Variants in CIITA observed in about 807,000 individuals in gnomAD.
The protein encoded by CIITA is MHC class II transactivator.
CIITA carries 72 observed loss-of-function variants against 115.1 expected under a neutral mutation model. The ratio of observed to expected loss-of-function variants is 0.63; its 90% CI spans 0.52 to 0.76. The LOEUF is 0.76. Among genes scored for constraint, CIITA ranks in the 30% least tolerant of loss-of-function variants. The pLI, the probability that CIITA is intolerant of heterozygous loss-of-function variation, is 0.00. For synonymous variants in CIITA, 763 were observed against 635.6 expected (o/e 1.20, Z -3.02); for missense variants, 1,617 against 1,463.8 (o/e 1.10, Z -1.71).
At chr16:10,871,034 A>G (rs909896937) in intron 1 of CIITA, among the ~76,000 whole-genome samples, 19 of 152,368 alleles carry the variant, frequency 1.2e-4, no homozygotes, top group African/African-American at 4.6e-4. Context: ...CTCGAGTTGA[A>G]CTGGCACATG....
rs1461714545 is a variant in CIITA at position 10,936,050 on chromosome 16, G to C, written c.*12195G>C. ...CAGTCACCCAGGCTGGAGTGCAGTG[G>C]TGGAATAATAACTCACTGCAGCCTT... On this transcript the variant is annotated 3_prime_UTR_variant, in exon 20 of 20. Transcript: ENST00000324288. 6.6e-6 allele frequency: 1 copy of C among 151,908 alleles called. No homozygotes were observed. Among genetic ancestry groups the C allele is most frequent in the African/African-American group, 2.4e-5 (1 of 41,306 alleles). 9.4% of individuals were successfully genotyped at this position (151,908 alleles called of 1,614,324 possible). A position where few individuals can be genotyped will look rare whatever the true frequency, so the allele number is the denominator to read the frequency against.
chr16:10,902,409 G>A (rs2038844051), intron 7 of CIITA, among the ~76,000 whole-genome samples: 1 of 152,112 alleles, frequency 6.6e-6, no homozygotes, highest in African/African-American at 2.4e-5. Context: ...GCATCAGGAG[G>A]GAATCTCCAC....
At chr16:10,871,188 G>A (rs1311537042) in intron 1 of CIITA, among the ~76,000 whole-genome samples, 1 of 152,206 alleles carries the variant, frequency 6.6e-6, no homozygotes, top group Non-Finnish European at 1.5e-5. Context: ...ACTGATCTAA[G>A]GGCTCAGGGA....
chr16:10,903,789 C>T lies in CIITA; in HGVS notation c.831C>T (p.Leu277=), dbSNP rs2038947521. Residue 277 remains leucine (L), a synonymous_variant, in exon 9 of 20, where the codon CTC becomes CTT. Coordinates refer to ENST00000324288, the MANE Select transcript of CIITA (RefSeq NM_000246.4). ...PPPSGFTVHG[L]PTSPDRPGST... is the part of the protein sequence containing the mutation. Reference sequence around the variant, plus strand: ...CCAGTGGATTCACTGTCCACGGCCTCCCAACATCTCCAGACCGGCCAGGCT... The same window carrying T: ...CCAGTGGATTCACTGTCCACGGCCTTCCAACATCTCCAGACCGGCCAGGCT... 2 of 1,614,106 alleles carry T rather than the reference C, an allele frequency of 1.2e-6. No individual in the cohort carries two copies. The highest frequency in any genetic ancestry group is 1.7e-6 in the Non-Finnish European group (2 of 1,180,052).
intron 13 of CIITA, 89 bp from the exon 14 acceptor site, chr16:10,915,481 C>A: frequency 9.6e-7 from 1 of 1,039,800 alleles, no homozygotes; most frequent in Non-Finnish European, 1.5e-6. Flanking sequence ...CAGGACCTGA[C>A]TTCTGTGCCT....
At chr16:10,904,003 G>A (rs182669754) in intron 9 of CIITA, 108 bp downstream of exon 9, 15 of 1,480,756 alleles carry the variant, frequency 1.0e-5, no homozygotes, top group African/African-American at 1.4e-5. Flanking sequence ...AGGGACAACA[G>A]GTCATGTTTA....
chr16:10,894,396 A>C (rs555169823), intron 1 of CIITA, among the ~76,000 whole-genome samples: 1 of 152,010 alleles, frequency 6.6e-6, no homozygotes, highest in Non-Finnish European at 1.5e-5. Flanking sequence ...TATTTTGGCT[A>C]TTTTGAATTA....
At position 10,936,371 on chromosome 16, in the gene CIITA, A is replaced by C. The variant is rs1013055870; in HGVS notation, c.*12516A>C. 2.6e-5 allele frequency: 4 copies of C among 152,294 alleles called. No homozygotes were observed. The highest frequency in any genetic ancestry group is 9.6e-5 in the African/African-American group (4 of 41,558). The allele number at this position is 152,294 out of a possible 1,614,324, so 9.4% of individuals were successfully genotyped here. A position where few individuals can be genotyped will look rare whatever the true frequency, so the allele number is the denominator to read the frequency against. On this transcript the variant is annotated 3_prime_UTR_variant, in exon 20 of 20. Coordinates refer to ENST00000324288, the MANE Select transcript of CIITA (RefSeq NM_000246.4). The stretch of plus-strand genomic sequence containing the variant: ...AATTTGTCCTTGTTCTAAGGAAATA[A>C]ATACTGAATTATTTAGGAGTAAAGG...
intron 1 of CIITA, among the ~76,000 whole-genome samples, chr16:10,882,705 C>T (rs1268661484): frequency 1.3e-5 from 2 of 152,158 alleles, no homozygotes; most frequent in African/African-American, 4.8e-5. Context: ...CGAGACCAGC[C>T]TGGGCAACAT....
intron 1 of CIITA, among the ~76,000 whole-genome samples, chr16:10,893,971 A>G (rs993892492): frequency 2.6e-5 from 4 of 151,874 alleles, no homozygotes; most frequent in Non-Finnish European, 5.9e-5. Context: ...TTTCCTTCCA[A>G]AATCCCTCTC....
Position 10,901,436 on chromosome 16 carries a change from A to G in CIITA, c.437-78A>G. The G allele has an allele frequency of 2.7e-6, 4 of 1,501,146 alleles. No homozygotes were observed. The highest frequency in any genetic ancestry group is 3.7e-6 in the Non-Finnish European group (4 of 1,079,066). 93.0% of individuals were successfully genotyped at this position (1,501,146 alleles called of 1,614,324 possible). A position where few individuals can be genotyped will look rare whatever the true frequency, so the allele number is the denominator to read the frequency against. On this transcript the variant is annotated intron_variant, in intron 5 of 19. Coordinates refer to ENST00000324288, the MANE Select transcript of CIITA (RefSeq NM_000246.4). This position sits in a 1 kb window ranked among gnomAD's most constrained non-coding sequence, Gnocchi z 6.8. The stretch of plus-strand genomic sequence containing the variant: ...CCCAGCCTTGAAGTTAAGGCCGTAT[A>G]GCCTGCTAGAGTCCTGAGCCCCTTC...
At chr16:10,881,782 T>G (rs1365260516) in intron 1 of CIITA, among the ~76,000 whole-genome samples, 3 of 152,206 alleles carry the variant, frequency 2.0e-5, no homozygotes, top group African/African-American at 7.2e-5. Flanking sequence ...TCTCCAGAAC[T>G]TTTTCATCCT....
In CIITA at chr16:10,906,998, G is replaced by C; in HGVS notation, c.1506G>C (p.Glu502Asp). The C allele has an allele frequency of 6.2e-7, 1 of 1,610,284 alleles. No homozygotes were observed. The highest frequency in any genetic ancestry group is 8.5e-7 in the Non-Finnish European group (1 of 1,179,898). Residue 502 changes from glutamate to aspartate, a missense_variant, in exon 11 of 20, where the codon GAG becomes GAC. Physicochemically the swap from Glu to Asp is conservative, Grantham distance 45 (BLOSUM62 2). Transcript: ENST00000324288. ...TTCTGCTCATCCTAGACGGCTTCGA[G>C]GAGCTGGAAGCGCAAGATGGCTTCC... ...DRVLLILDGF[E>D]ELEAQDGFLH... is the part of the protein sequence containing the mutation.
chr16:10,887,789 C>T (rs1479343589), intron 1 of CIITA, among the ~76,000 whole-genome samples: 1 of 152,200 alleles, frequency 6.6e-6, no homozygotes, highest in African/African-American at 2.4e-5. Flanking sequence ...GCCACCACCC[C>T]TGGCCTCCTT....
chr16:10,916,400 C>T lies in CIITA; in HGVS notation c.3003C>T (p.Asp1001=), dbSNP rs143497260. The part of the protein sequence containing the change: ...LDALSENKIG[D]EGVSQLSATF... ...CGCTGAGTGAGAACAAGATCGGGGA[C>T]GAGGGTGTCTCGCAGCTCTCAGCCA... Residue 1001 remains aspartate (D), a synonymous_variant, in exon 15 of 20, where the codon GAC becomes GAT. Transcript: ENST00000324288. The T allele has an allele frequency of 1.4e-4, 223 of 1,613,852 alleles. 2 individuals carry two copies. The highest frequency in any genetic ancestry group is 1.7e-4 in the African/African-American group (13 of 75,024).
At chr16:10,892,581 C>T (rs910430368) in intron 1 of CIITA, among the ~76,000 whole-genome samples, 2 of 152,150 alleles carry the variant, frequency 1.3e-5, no homozygotes, top group African/African-American at 2.4e-5. Flanking sequence ...ATGTCCATGT[C>T]AAATCCCTGG....
At chr16:10,908,530 C>T (rs964351184) in intron 11 of CIITA, 32 of 421,438 alleles carry the variant, frequency 7.6e-5, no homozygotes, top group Non-Finnish European at 1.2e-4. Flanking sequence ...CCTCCATTCT[C>T]TCCTCTTCCA....
chr16:10,910,595 T>C (rs2039493288), intron 13 of CIITA, among the ~76,000 whole-genome samples: 1 of 152,152 alleles, frequency 6.6e-6, no homozygotes, highest in Non-Finnish European at 1.5e-5. Flanking sequence ...GGGGACTTCC[T>C]GGAGGAGGTG....
chr16:10,866,755 G>A (rs1017180979), intron 1 of CIITA, among the ~76,000 whole-genome samples: 3 of 152,230 alleles, frequency 2.0e-5, no homozygotes, highest in South Asian at 4.1e-4. Flanking sequence ...GTGCTGGAGC[G>A]AACGGCGTGC....
Sources: allele counts gnomAD v4.1 joint callset (sites outside exome capture counted in the v4.1 genomes callset), GRCh38; gene constraint gnomAD v4.1.1; non-coding constraint Gnocchi (gnomAD v3.1); transcripts MANE v1.5; gene names NCBI Gene and HGNC (gene_info 2026-07-23, HGNC 2026-07-21).